The following PLEKHA7 variants were observed in gnomAD, a reference collection of about 807,000 sequenced individuals.
The protein encoded by PLEKHA7 is pleckstrin homology domain-containing family A member 7.
A neutral mutation model predicts 170.0 loss-of-function variants in PLEKHA7; 104 were observed. The ratio of observed to expected loss-of-function variants is 0.61; its 90% CI spans 0.52 to 0.72. PLEKHA7 has a LOEUF of 0.72. PLEKHA7 is among the 30% of genes least tolerant of loss of function. PLEKHA7 has a pLI of 0.00. For missense variants in PLEKHA7, 1,615 were observed against 1,671.7 expected (o/e 0.97, Z 0.59); for synonymous variants, 648 against 660.8 (o/e 0.98, Z 0.30).
chr11:16,852,133 G>A, intron 7 of PLEKHA7, 150 bp downstream of exon 7: 3 of 616,448 alleles, frequency 4.9e-6, no homozygotes, highest in Non-Finnish European at 8.4e-6. Context: ...TGAATCCTGA[G>A]ACCCTTAGTA....
chr11:16,953,481 A>G (rs1861525184), intron 3 of PLEKHA7, among the ~76,000 whole-genome samples: 1 of 152,220 alleles, frequency 6.6e-6, no homozygotes, highest in African/African-American at 2.4e-5. Flanking sequence ...CCAATTTAAA[A>G]GATTAAATAA....
intron 10 of PLEKHA7, among the ~76,000 whole-genome samples, chr11:16,823,787 C>G (rs1235449247): frequency 6.6e-6 from 1 of 152,196 alleles, no homozygotes; most frequent in Non-Finnish European, 1.5e-5. Flanking sequence ...TCCAGTTGCT[C>G]AAGTCAAAAT....
At chr11:16,788,683 A>C in intron 23 of PLEKHA7, 1 of 262,106 alleles carries the variant, frequency 3.8e-6, no homozygotes, top group Non-Finnish European at 7.5e-6. Context: ...ACCCTCACAC[A>C]GCATCTGCTG....
intron 3 of PLEKHA7, among the ~76,000 whole-genome samples, chr11:16,952,437 A>C (rs1861463214): frequency 6.6e-6 from 1 of 152,232 alleles, no homozygotes; most frequent in Admixed American, 6.5e-5. Flanking sequence ...AGACCAGCCC[A>C]GTAGTTCTGG....
intron 3 of PLEKHA7, among the ~76,000 whole-genome samples, chr11:16,911,893 G>A (rs551140199): frequency 6.6e-5 from 10 of 152,046 alleles, no homozygotes; most frequent in South Asian, 2.1e-4. Flanking sequence ...TCCTCATCCC[G>A]TCCACGGCAC....
At chr11:16,823,001 A>ATTTT (rs1331472684) in intron 10 of PLEKHA7, among the ~76,000 whole-genome samples, 1 of 151,500 alleles carries the variant, frequency 6.6e-6, no homozygotes, top group Non-Finnish European at 1.5e-5. Context: ...TTATTTATTT[A>ATTTT]TTTATTTTTT....
At chr11:16,794,782 A>C in intron 18 of PLEKHA7, 68 bp from the exon 19 acceptor site, 1 of 1,558,236 alleles carries the variant, frequency 6.4e-7, no homozygotes, top group East Asian at 2.2e-5. Context: ...GGATGAGTGG[A>C]GTAATTTAGC....
intron 3 of PLEKHA7, among the ~76,000 whole-genome samples, chr11:16,971,649 C>G (rs1862719371): frequency 6.6e-6 from 1 of 151,986 alleles, no homozygotes; most frequent in Non-Finnish European, 1.5e-5. Context: ...TCTCTGGAAC[C>G]CAAGAAAGGT....
Position 16,782,909 on chromosome 11 carries a change from C to T in PLEKHA7, c.3651-13G>A, listed in dbSNP as rs770100843. 30 of 1,534,880 alleles carry T rather than the reference C, an allele frequency of 2.0e-5. No homozygotes were observed. The highest frequency in any genetic ancestry group is 2.4e-5 in the Non-Finnish European group (28 of 1,146,052). On this transcript the variant is annotated splice_polypyrimidine_tract_variant and intron_variant, in intron 25 of 26. Coordinates refer to ENST00000531066, the MANE Select transcript of PLEKHA7 (RefSeq NM_001329630.2). Reference sequence around the variant, plus strand: ...TAGGTTGCACATGCTGTAGGAGGGTCGGAAGCAGACCATGGGCCCTCCTGC... The same window carrying T: ...TAGGTTGCACATGCTGTAGGAGGGTTGGAAGCAGACCATGGGCCCTCCTGC...
chr11:16,844,234 AGACATGG>A (rs1852205425), intron 8 of PLEKHA7, among the ~76,000 whole-genome samples: 1 of 152,226 alleles, frequency 6.6e-6, no homozygotes, highest in Admixed American at 6.5e-5. Context: ...TCAAACATGC[AGACATGG>A]GTTTGCATGT....
chr11:16,993,596 C>A lies in PLEKHA7; in HGVS notation c.221+20393G>T, dbSNP rs72632982. On this transcript the variant is annotated intron_variant, in intron 3 of 26. Transcript: ENST00000531066. ...CACTGTTTCCTTTCTTGTCTCTGGG[C>A]AACCTCCTGACACTAGATTGCAGAC... 0.012 allele frequency among the ~76,000 whole-genome samples: 1,776 copies of A among 152,252 alleles called. 226 individuals are homozygous for A. The East Asian group carries it at 0.27, about 23-fold the overall frequency.
intron 3 of PLEKHA7, among the ~76,000 whole-genome samples, chr11:16,995,233 T>C (rs1157251613): frequency 2.0e-5 from 3 of 152,170 alleles, no homozygotes; most frequent in Admixed American, 2.0e-4. Context: ...GGCAACCACA[T>C]AGCAGACCAT....
intron 3 of PLEKHA7, among the ~76,000 whole-genome samples, chr11:17,010,562 C>A (rs1257821250): frequency 1.3e-5 from 2 of 152,042 alleles, no homozygotes; most frequent in African/African-American, 4.8e-5. Flanking sequence ...GCTATGATTG[C>A]ACCACTGCAC....
At chr11:16,923,876 C>T (rs1590628933) in intron 3 of PLEKHA7, among the ~76,000 whole-genome samples, 1 of 152,166 alleles carries the variant, frequency 6.6e-6, no homozygotes, top group Non-Finnish European at 1.5e-5. Context: ...TCCACCCTTC[C>T]GTTAACAGGA....
Position 17,014,292 on chromosome 11 carries a change from CGTCCCCGG to C in PLEKHA7, c.86+16_86+23del. 1 of 1,427,436 alleles carries C rather than the reference CGTCCCCGG, an allele frequency of 7.0e-7. No homozygotes were observed. The highest frequency in any genetic ancestry group is 9.2e-7 in the Non-Finnish European group (1 of 1,088,696). The allele number at this position is 1,427,436 out of a possible 1,614,324, so 88.4% of individuals were successfully genotyped here. A position where few individuals can be genotyped will look rare whatever the true frequency, so the allele number is the denominator to read the frequency against. Reference sequence around the variant, plus strand: ...CCCCGCGCCCCCACCCGCGTCCCCGCGTCCCCGGGTCCTCGCGCCGCACTTGATGAAGA... The same window carrying C: ...CCCCGCGCCCCCACCCGCGTCCCCGCGTCCTCGCGCCGCACTTGATGAAGA... On this transcript the variant is annotated intron_variant, in intron 1 of 26. Transcript: ENST00000531066.
intron 9 of PLEKHA7, among the ~76,000 whole-genome samples, chr11:16,828,770 C>A (rs940452102): frequency 2.6e-4 from 39 of 152,204 alleles, no homozygotes; most frequent in African/African-American, 8.4e-4. Context: ...CCAGCTGAGG[C>A]TCCACAGTCT....
In PLEKHA7 at chr11:16,871,492, G is replaced by A. The variant is rs182307569; in HGVS notation, c.222-310C>T. 9.4e-4 allele frequency among the ~76,000 whole-genome samples: 143 copies of A among 152,246 alleles called. 1 individual carries two copies. The Middle Eastern group carries it at 0.014, about 14-fold the overall frequency. ...AGTACTTACTCCAGCAAACTGAGAC[G>A]ATGAACAAAAAGTAACACTTTAAGA... On this transcript the variant is annotated intron_variant, in intron 3 of 26. Coordinates refer to ENST00000531066, the MANE Select transcript of PLEKHA7 (RefSeq NM_001329630.2).
In PLEKHA7 at chr11:16,817,224, G is replaced by A. The variant is rs752768985; in HGVS notation, c.1442C>T (p.Ser481Leu). 1.2e-5 allele frequency: 19 copies of A among 1,613,920 alleles called. No homozygotes were observed. Among genetic ancestry groups the A allele is most frequent in the South Asian group, 4.4e-5 (4 of 91,064 alleles). The change falls in exon 11 of 27, where the codon TCG becomes TTG. Residue 481 changes from serine to leucine, a missense_variant. Ser to Leu is a moderately radical substitution (Grantham distance 145, BLOSUM62 -2). Transcript: ENST00000531066. This position sits in a 1 kb window ranked among gnomAD's most constrained non-coding sequence, Gnocchi z 4.4. ...TCGGGGAGGTGGCGAGGAGCCCCCC[G>A]AGGGGTGTCGGGTGCTCTTGGGAAG... ...QTLPKSTRHP[S>L]GGSSPPPRNL...
chr11:16,892,641 T>TTTTTTTTTTC (rs1554965016), intron 3 of PLEKHA7, among the ~76,000 whole-genome samples: 1 of 141,160 alleles, frequency 7.1e-6, no homozygotes, highest in Non-Finnish European at 1.5e-5. Flanking sequence ...TTTTTTTTTT[T>TTTTTTTTTTC]CGTATTTTTA....
Sources: gnomAD v4.1 joint callset for allele counts (sites outside exome capture counted in the v4.1 genomes callset) on GRCh38, gnomAD v4.1.1 for gene constraint, Gnocchi (gnomAD v3.1) non-coding constraint, MANE v1.5 for transcripts, NCBI Gene and HGNC (gene_info 2026-07-23, HGNC 2026-07-21) for gene names.